Variants in SLC13A1 observed in about 807,000 individuals in gnomAD.
SLC13A1 encodes Na(+)/sulfate cotransporter.
A neutral mutation model predicts 70.0 loss-of-function variants in SLC13A1; 65 were observed. The ratio of observed to expected loss-of-function variants is 0.93; its 90% CI spans 0.76 to 1.14. The LOEUF (loss-of-function observed/expected upper bound fraction) is 1.14, where lower values mean the gene tolerates loss of function less well. Among genes scored for constraint, SLC13A1 ranks in the 50% most tolerant of loss-of-function variants. SLC13A1 has a pLI of 0.00. For synonymous variants in SLC13A1, 275 were observed against 250.5 expected, an observed-to-expected ratio of 1.10 and a Z score of -0.92; for missense variants, 726 against 717.8, an observed-to-expected ratio of 1.01 and a Z score of -0.13.
At chr7:123,193,832 G>C (rs1796079026) in intron 1 of SLC13A1, among the ~76,000 whole-genome samples, 1 of 152,088 alleles carries the variant, frequency 6.6e-6, no homozygotes, top group Non-Finnish European at 1.5e-5. Flanking sequence ...CATATTATGG[G>C]AGGAAGAAAG....
intron 7 of SLC13A1, among the ~76,000 whole-genome samples, chr7:123,142,659 G>GTA (rs1444620186): frequency 3.9e-5 from 1 of 25,544 alleles, no homozygotes; most frequent in African/African-American, 2.0e-4. Flanking sequence ...TTTTTTTGAT[G>GTA]GAGGCTGGAG....
intron 11 of SLC13A1, 52 bp downstream of exon 11, chr7:123,125,513 TTTTG>T: frequency 7.8e-7 from 1 of 1,283,176 alleles, no homozygotes. Context: ...ACCAATGGAA[TTTTG>T]TAATTTTTGC....
At chr7:123,172,959 A>T (rs548058471) in intron 2 of SLC13A1, among the ~76,000 whole-genome samples, 26 of 152,256 alleles carry the variant, frequency 1.7e-4, no homozygotes, top group African/African-American at 5.8e-4. Flanking sequence ...GATTTACTTA[A>T]TTATTAAAAA....
At chr7:123,155,956 C>T (rs1475856626) in intron 6 of SLC13A1, among the ~76,000 whole-genome samples, 1 of 152,066 alleles carries the variant, frequency 6.6e-6, no homozygotes, top group Non-Finnish European at 1.5e-5. Context: ...CCCGTTTTAC[C>T]TTGTCTGAAG....
chr7:123,175,628 C>T (rs1330517882), intron 2 of SLC13A1, among the ~76,000 whole-genome samples: 1 of 152,176 alleles, frequency 6.6e-6, no homozygotes, highest in African/African-American at 2.4e-5. Context: ...CCTTACCATA[C>T]ACTCAATCTG....
intron 1 of SLC13A1, among the ~76,000 whole-genome samples, chr7:123,190,811 T>A (rs1054786016): frequency 6.6e-6 from 1 of 152,158 alleles, no homozygotes; most frequent in African/African-American, 2.4e-5. Context: ...ACATGACACA[T>A]CTATTGAGGA....
chr7:123,130,100 C>T (rs938805839), intron 8 of SLC13A1, among the ~76,000 whole-genome samples: 3 of 152,038 alleles, frequency 2.0e-5, no homozygotes, highest in Admixed American at 6.6e-5. Flanking sequence ...ATGCTAAACT[C>T]GAGTTTTACA....
chr7:123,186,812 A>G (rs1795816773), intron 1 of SLC13A1: 1 of 450,200 alleles, frequency 2.2e-6, no homozygotes, highest in East Asian at 7.0e-5. Flanking sequence ...AGTATTATGA[A>G]TTCTTAAACT....
At chr7:123,183,624 A>G (rs1795706284) in intron 1 of SLC13A1, among the ~76,000 whole-genome samples, 1 of 152,184 alleles carries the variant, frequency 6.6e-6, no homozygotes, top group Admixed American at 6.6e-5. Context: ...TCCATGAACC[A>G]GCAGCGTCAG....
At chr7:123,124,418 T>C (rs1454269457) in intron 11 of SLC13A1, among the ~76,000 whole-genome samples, 1 of 152,220 alleles carries the variant, frequency 6.6e-6, no homozygotes, top group African/African-American at 2.4e-5. Context: ...TACATTTGTT[T>C]CTATGCTGTG....
chr7:123,187,908 C>T (rs1485594378), intron 1 of SLC13A1, among the ~76,000 whole-genome samples: 1 of 152,094 alleles, frequency 6.6e-6, no homozygotes, highest in Non-Finnish European at 1.5e-5. Flanking sequence ...ACATGCATGT[C>T]TATGGAAAAT....
intron 7 of SLC13A1, among the ~76,000 whole-genome samples, chr7:123,138,508 G>A (rs1016187023): frequency 6.6e-6 from 1 of 152,118 alleles, no homozygotes; most frequent in African/African-American, 2.4e-5. Context: ...CTCTATAGTG[G>A]TTGTACTAAT....
intron 1 of SLC13A1, among the ~76,000 whole-genome samples, chr7:123,197,520 C>G (rs552441897): frequency 6.6e-6 from 1 of 152,138 alleles, no homozygotes; most frequent in African/African-American, 2.4e-5. Context: ...AAATAATTTG[C>G]TTTCATTGTA....
chr7:123,139,102 A>G (rs1794047278), intron 7 of SLC13A1, among the ~76,000 whole-genome samples: 1 of 152,120 alleles, frequency 6.6e-6, no homozygotes, highest in Admixed American at 6.6e-5. Flanking sequence ...TTATGGCAAG[A>G]AATAAGGGCC....
In SLC13A1 at chr7:123,117,470, C is replaced by T. The variant is rs756695430; in HGVS notation, c.1650+1G>A. 29 of 1,612,566 alleles carry T rather than the reference C, an allele frequency of 1.8e-5. No individual in the cohort carries two copies. The highest frequency in any genetic ancestry group is 2.3e-5 in the Non-Finnish European group (27 of 1,179,264). ...GATAGTATTTTTTTCAGCTAACTCA[C>T]CATGTCAATGACTTTCAGATGACCA... On this transcript the variant is annotated splice_donor_variant, in intron 14 of 14. Transcript: ENST00000194130. LOFTEE classifies it high-confidence loss of function.
intron 8 of SLC13A1, among the ~76,000 whole-genome samples, chr7:123,133,349 A>G (rs983519030): frequency 2.0e-5 from 3 of 152,114 alleles, no homozygotes; most frequent in East Asian, 3.9e-4. Flanking sequence ...AGGAAGCCCT[A>G]TAGGTCACAG....
intron 14 of SLC13A1, among the ~76,000 whole-genome samples, chr7:123,116,754 G>C (rs1793192894): frequency 6.6e-6 from 1 of 152,114 alleles, no homozygotes; most frequent in Non-Finnish European, 1.5e-5. Context: ...AAAGGGAGCT[G>C]GGACTTATCT....
intron 11 of SLC13A1, among the ~76,000 whole-genome samples, chr7:123,123,974 C>G (rs536861093): frequency 2.6e-5 from 4 of 152,224 alleles, no homozygotes; most frequent in Admixed American, 6.5e-5. Flanking sequence ...ATCATCTTCC[C>G]CCAAATCCAA....
At chr7:123,127,376 T>G (rs747224272) in intron 10 of SLC13A1, among the ~76,000 whole-genome samples, 8 of 152,096 alleles carry the variant, frequency 5.3e-5, no homozygotes, top group Non-Finnish European at 7.4e-5. Flanking sequence ...CTATTGGGAT[T>G]TCTGCCTGGG....
Sources: allele counts gnomAD v4.1 joint callset (sites outside exome capture counted in the v4.1 genomes callset), GRCh38; gene constraint gnomAD v4.1.1; transcripts MANE v1.5; gene names NCBI Gene and HGNC (gene_info 2026-07-23, HGNC 2026-07-21).